The following AOAH variants were observed in gnomAD, a reference collection of about 807,000 sequenced individuals.
AOAH encodes the protein acyloxyacyl hydrolase.
A neutral mutation model predicts 92.2 loss-of-function variants in AOAH; 64 were observed. That is an observed-to-expected ratio of 0.69 (90% confidence interval 0.57 to 0.86). The LOEUF (loss-of-function observed/expected upper bound fraction) is 0.86. Ranked by LOEUF, AOAH falls within the 40% of genes least tolerant of loss-of-function variation. AOAH has a pLI of 0.00. For missense variants in AOAH, 656 were observed against 694.6 expected (o/e 0.94, Z 0.62); for synonymous variants, 263 against 254.5 (o/e 1.03, Z -0.32).
At chr7:36,654,126 C>CGT (rs1326915083) in intron 4 of AOAH, among the ~76,000 whole-genome samples, 1 of 151,158 alleles carries the variant, frequency 6.6e-6, no homozygotes. Flanking sequence ...TGCGTGTGTG[C>CGT]GTACACACAC....
At position 36,565,641 on chromosome 7, in the gene AOAH, T is replaced by C. The variant is rs1787650832; in HGVS notation, c.1021+10933A>G. 2.0e-5 allele frequency among the ~76,000 whole-genome samples: 3 copies of C among 152,100 alleles called. No homozygotes were observed. In the South Asian group the frequency reaches 6.2e-4, roughly 32 times the overall value. ...TCTACCTCTGGGGCTCAAGTGATCCTTCCACCTTAGCCTCCTGAGTAGCTG... is the reference window on the plus strand; with the variant it reads ...TCTACCTCTGGGGCTCAAGTGATCCCTCCACCTTAGCCTCCTGAGTAGCTG... On this transcript the variant is annotated intron_variant, in intron 13 of 20. Coordinates refer to ENST00000617537, the MANE Select transcript of AOAH (RefSeq NM_001637.4).
intron 11 of AOAH, among the ~76,000 whole-genome samples, chr7:36,599,251 G>A (rs781546077): frequency 2.6e-5 from 4 of 152,098 alleles, no homozygotes; most frequent in Admixed American, 6.6e-5. Flanking sequence ...ACAATAATTC[G>A]AATTTGGTAA....
chr7:36,551,361 C>G (rs542110127), intron 13 of AOAH, among the ~76,000 whole-genome samples: 2 of 152,058 alleles, frequency 1.3e-5, no homozygotes, highest in Non-Finnish European at 2.9e-5. Flanking sequence ...TGTGAGCCAC[C>G]GCATCTGGCC....
intron 16 of AOAH, among the ~76,000 whole-genome samples, chr7:36,535,523 A>T (rs972011889): frequency 6.6e-6 from 1 of 152,220 alleles, no homozygotes; most frequent in Non-Finnish European, 1.5e-5. Context: ...CAAGTTTAAG[A>T]GTAATTGGGG....
chr7:36,576,453 G>T, intron 13 of AOAH, 121 bp downstream of exon 13: 1 of 619,478 alleles, frequency 1.6e-6, no homozygotes, highest in East Asian at 2.9e-5. Flanking sequence ...GGCATTGGAA[G>T]GGAGACCGTT....
chr7:36,578,356 G>T (rs1231150674), intron 12 of AOAH, among the ~76,000 whole-genome samples: 1 of 152,158 alleles, frequency 6.6e-6, no homozygotes, highest in African/African-American at 2.4e-5. Context: ...GAGTATGCTA[G>T]AAAGTTCTAA....
At chr7:36,647,883 T>C (rs543831353) in intron 4 of AOAH, among the ~76,000 whole-genome samples, 30 of 151,158 alleles carry the variant, frequency 2.0e-4, no homozygotes, top group African/African-American at 6.6e-4. Context: ...CAGGCTGGAG[T>C]GCAGTGGCGT....
In AOAH at chr7:36,558,781, T is replaced by C. The variant is rs192443486; in HGVS notation, c.1022-9306A>G. Among the ~76,000 whole-genome samples, 69 of 152,380 alleles carry C rather than the reference T, an allele frequency of 4.5e-4. No individual in the cohort carries two copies. In the East Asian group the frequency reaches 5.8e-3, roughly 13 times the overall value. On this transcript the variant is annotated intron_variant, in intron 13 of 20. Coordinates refer to ENST00000617537, the MANE Select transcript of AOAH (RefSeq NM_001637.4). ...CGTGGGCATAGGACCCTCTGAGCCATGTGCAGGATATAATCTCCTGGTGCG... is the reference window on the plus strand; with the variant it reads ...CGTGGGCATAGGACCCTCTGAGCCACGTGCAGGATATAATCTCCTGGTGCG...
intron 20 of AOAH, 38 bp from the exon 21 acceptor site, chr7:36,513,418 T>C (rs1372526184): frequency 6.3e-7 from 1 of 1,598,154 alleles, no homozygotes; most frequent in East Asian, 2.2e-5. Flanking sequence ...AAAAGGGAAA[T>C]TAGGACAAAT....
intron 12 of AOAH, among the ~76,000 whole-genome samples, chr7:36,582,735 A>G (rs1789021190): frequency 6.6e-6 from 1 of 152,204 alleles, no homozygotes; most frequent in Non-Finnish European, 1.5e-5. Context: ...AGAGGCAAAA[A>G]TGGAGTTCTT....
At position 36,616,480 on chromosome 7, in the gene AOAH, C is replaced by T. The variant is rs199646938; in HGVS notation, c.752-6G>A. Reference sequence around the variant, plus strand: ...GATTCCCCTGGGCTGTGAACCTAGGCAGCACAATTTATTCACATTATTTAT... The same window carrying T: ...GATTCCCCTGGGCTGTGAACCTAGGTAGCACAATTTATTCACATTATTTAT... On this transcript the variant is annotated splice_polypyrimidine_tract_variant and splice_region_variant and intron_variant, in intron 10 of 20. Coordinates refer to ENST00000617537, the MANE Select transcript of AOAH (RefSeq NM_001637.4). The T allele has an allele frequency of 7.5e-5, 121 of 1,612,712 alleles. No individual in the cohort carries two copies. The highest frequency in any genetic ancestry group is 9.2e-5 in the Non-Finnish European group (109 of 1,178,996).
intron 2 of AOAH, among the ~76,000 whole-genome samples, chr7:36,678,615 GTTAGAATTCTGTTTAGCTCAAGT>G (rs1796455792): frequency 2.2e-5 from 3 of 138,334 alleles, no homozygotes; most frequent in African/African-American, 8.4e-5. Context: ...GCGCGCGCGC[GTTAGAATTCTGTTTAGCTCAAGT>G]CAAAGAGGAT....
Position 36,659,165 on chromosome 7 carries a change from C to T in AOAH, c.390+1G>A, listed in dbSNP as rs556524909. The T allele has an allele frequency of 4.3e-6, 7 of 1,611,476 alleles. No individual in the cohort carries two copies. The highest frequency in any genetic ancestry group is 3.3e-4 in the Middle Eastern group (2 of 6,062). On this transcript the variant is annotated splice_donor_variant, in intron 4 of 20. Coordinates refer to ENST00000617537, the MANE Select transcript of AOAH (RefSeq NM_001637.4). LOFTEE classifies it high-confidence loss of function. ...GATGTTCAGAGTGATTACACACTCACCTTGGGAAGAGGGTAGAGATGACAC... is the reference window on the plus strand; with the variant it reads ...GATGTTCAGAGTGATTACACACTCATCTTGGGAAGAGGGTAGAGATGACAC...
intron 15 of AOAH, among the ~76,000 whole-genome samples, chr7:36,540,868 T>C (rs1424639835): frequency 6.6e-6 from 1 of 152,234 alleles, no homozygotes; most frequent in African/African-American, 2.4e-5. Flanking sequence ...TGATCTCTGA[T>C]GGACAAGTAG....
intron 12 of AOAH, among the ~76,000 whole-genome samples, chr7:36,577,011 T>C (rs2727831): frequency 0.61 from 91,214 of 150,622 alleles, 28,085 homozygotes; most frequent in African/African-American, 0.71. Flanking sequence ...TTGAACCTGA[T>C]CATGTTGCCT....
At chr7:36,630,083 T>TATGC (rs1440486769) in intron 6 of AOAH, among the ~76,000 whole-genome samples, 4 of 152,130 alleles carry the variant, frequency 2.6e-5, no homozygotes, top group African/African-American at 9.7e-5. Flanking sequence ...CAAGGCAAGG[T>TATGC]ATGCCAACGC....
In AOAH at chr7:36,724,244, C is replaced by T. The variant is rs1799837696; in HGVS notation, c.-96G>A. 1 of 1,441,650 alleles carries T rather than the reference C, an allele frequency of 6.9e-7. No homozygotes were observed. Among genetic ancestry groups the T allele is most frequent in the Admixed American group, 1.8e-5 (1 of 56,638 alleles). 89.3% of individuals were successfully genotyped at this position (1,441,650 alleles called of 1,614,324 possible). On this transcript the variant is annotated 5_prime_UTR_variant, in exon 1 of 21. Transcript: ENST00000617537. ...CTGCAGAATCAATTGATCTCTCTCT[C>T]CTTCTCTTCCTCACTCTCTTTGACA...
At chr7:36,612,900 GTTAA>G (rs1280647454) in intron 11 of AOAH, among the ~76,000 whole-genome samples, 12 of 152,098 alleles carry the variant, frequency 7.9e-5, no homozygotes, top group South Asian at 2.1e-4. Flanking sequence ...TAGAAACTCT[GTTAA>G]TTAGAGGATT....
chr7:36,700,028 T>C (rs1030020479), intron 1 of AOAH, among the ~76,000 whole-genome samples: 3 of 152,098 alleles, frequency 2.0e-5, no homozygotes, highest in African/African-American at 7.2e-5. Flanking sequence ...TATCCAGTTT[T>C]CTCGTAACAC....
Sources: allele counts gnomAD v4.1 joint callset (sites outside exome capture counted in the v4.1 genomes callset), GRCh38; gene constraint gnomAD v4.1.1; transcripts MANE v1.5; gene names NCBI Gene and HGNC (gene_info 2026-07-23, HGNC 2026-07-21).